NRXN3: variants seen among roughly 807,000 people sequenced by gnomAD.
The protein encoded by NRXN3 is neurexin III.
Under a neutral mutation model 137.6 loss-of-function variants are expected in NRXN3, and 32 were observed. That is an observed-to-expected ratio of 0.23 (90% CI 0.18 to 0.31). The LOEUF is 0.31. Ranked by LOEUF, NRXN3 falls within the 10% of genes least tolerant of loss-of-function variation. NRXN3 has a pLI of 1.00. For synonymous variants in NRXN3, 798 were observed against 784.5 expected, an observed-to-expected ratio of 1.02 and a Z score of -0.29; for missense variants, 1,574 against 2,062.5, an observed-to-expected ratio of 0.76 and a Z score of 4.59.
intron 15 of NRXN3, among the ~76,000 whole-genome samples, chr14:79,076,646 C>T (rs2046023229): frequency 2.0e-5 from 3 of 152,110 alleles, no homozygotes; most frequent in Admixed American, 2.0e-4. Flanking sequence ...CCTGTCACCT[C>T]TACTGTATTC....
At chr14:78,492,448 A>G (rs2095686808) in intron 4 of NRXN3, among the ~76,000 whole-genome samples, 1 of 152,246 alleles carries the variant, frequency 6.6e-6, no homozygotes, top group African/African-American at 2.4e-5. Context: ...AGTACTTAAT[A>G]GTTTATATTA....
chr14:78,409,322 A>G (rs766803674), intron 4 of NRXN3, among the ~76,000 whole-genome samples: 9 of 152,182 alleles, frequency 5.9e-5, no homozygotes, highest in South Asian at 2.1e-4. Context: ...CCTGTTTTAC[A>G]GGTGAGGAAA....
intron 20 of NRXN3, among the ~76,000 whole-genome samples, chr14:79,806,692 T>C (rs1295396471): frequency 6.6e-6 from 1 of 150,778 alleles, no homozygotes; most frequent in Non-Finnish European, 1.5e-5. Context: ...ATACAATATA[T>C]CTCTAGATTT....
In NRXN3 at chr14:78,665,975, C is replaced by A. The variant is rs115817816; in HGVS notation, c.1221+14649C>A. On this transcript the variant is annotated intron_variant, in intron 6 of 20. Coordinates refer to ENST00000335750, the MANE Select transcript of NRXN3 (RefSeq NM_001330195.2). The stretch of plus-strand genomic sequence containing the variant: ...CTTTATCCTCGAAAGTGAGGTGTCC[C>A]TCTATCTTTGTAAGCTCACATGTTA... Among the ~76,000 whole-genome samples, 988 of 152,222 alleles carry A rather than the reference C, an allele frequency of 6.5e-3. 7 individuals are homozygous for A. The highest frequency in any genetic ancestry group is 0.023 in the African/African-American group (955 of 41,516).
intron 15 of NRXN3, among the ~76,000 whole-genome samples, chr14:79,371,390 A>T (rs2094105161): frequency 6.6e-6 from 1 of 152,118 alleles, no homozygotes; most frequent in African/African-American, 2.4e-5. Context: ...CTAGGAATAG[A>T]TACTTGCATA....
At chr14:79,757,640 G>A (rs2099024236) in intron 19 of NRXN3, among the ~76,000 whole-genome samples, 1 of 152,174 alleles carries the variant, frequency 6.6e-6, no homozygotes, top group Non-Finnish European at 1.5e-5. Context: ...GGTACAGCAT[G>A]ATGCAGTGGG....
chr14:78,668,657 C>G lies in NRXN3; in HGVS notation c.1221+17331C>G, dbSNP rs192171659. 1.5e-4 allele frequency among the ~76,000 whole-genome samples: 23 copies of G among 152,202 alleles called. No homozygotes were observed. In the Middle Eastern group the frequency reaches 0.017, roughly 113 times the overall value. ...ATCCAGTCCTGGGTCTCAACAGTGC[C>G]GAAGCTGAGACTCTCTGGACCAGAC... On this transcript the variant is annotated intron_variant, in intron 6 of 20. Coordinates refer to ENST00000335750, the MANE Select transcript of NRXN3 (RefSeq NM_001330195.2).
chr14:79,836,501 T>C (rs1343113621), intron 20 of NRXN3, among the ~76,000 whole-genome samples: 1 of 150,732 alleles, frequency 6.6e-6, no homozygotes, highest in Non-Finnish European at 1.5e-5. Context: ...GACACAAAGC[T>C]ACCTGTGGTG....
chr14:79,014,600 A>G (rs942532734), intron 15 of NRXN3, among the ~76,000 whole-genome samples: 1 of 152,154 alleles, frequency 6.6e-6, no homozygotes, highest in Non-Finnish European at 1.5e-5. Flanking sequence ...AATAATTTAT[A>G]TTTCTTTCAG....
At chr14:78,175,490 C>T (rs767939668) in intron 1 of NRXN3, among the ~76,000 whole-genome samples, 5 of 152,130 alleles carry the variant, frequency 3.3e-5, no homozygotes, top group African/African-American at 7.2e-5. Flanking sequence ...TGTGCTGGCC[C>T]GTGGTCGGCT....
At chr14:78,867,439 C>T (rs2099089889) in intron 10 of NRXN3, among the ~76,000 whole-genome samples, 1 of 152,068 alleles carries the variant, frequency 6.6e-6, no homozygotes, top group African/African-American at 2.4e-5. Flanking sequence ...TCAAATGGAT[C>T]ACAGCAATTG....
chr14:78,340,612 A>G (rs1453286340), intron 4 of NRXN3, among the ~76,000 whole-genome samples: 1 of 152,078 alleles, frequency 6.6e-6, no homozygotes. Context: ...CTCGTCTTCC[A>G]GGGTCTCTTC....
intron 15 of NRXN3, among the ~76,000 whole-genome samples, chr14:79,404,901 G>C (rs1033875061): frequency 2.6e-5 from 4 of 152,140 alleles, no homozygotes; most frequent in Admixed American, 2.0e-4. Context: ...GTGTGTTCGT[G>C]CACACATATG....
chr14:78,403,218 A>G (rs1400822843), intron 4 of NRXN3, among the ~76,000 whole-genome samples: 1 of 152,210 alleles, frequency 6.6e-6, no homozygotes, highest in Non-Finnish European at 1.5e-5. Context: ...ATCAGCCAAT[A>G]GGAAGAAGGG....
intron 20 of NRXN3, among the ~76,000 whole-genome samples, chr14:79,840,877 A>G (rs577680586): frequency 6.6e-6 from 1 of 152,178 alleles, no homozygotes; most frequent in Non-Finnish European, 1.5e-5. Flanking sequence ...GAAAAACACT[A>G]TGTCAACCAT....
chr14:78,426,020 T>A (rs896333149), intron 4 of NRXN3, among the ~76,000 whole-genome samples: 1 of 152,032 alleles, frequency 6.6e-6, no homozygotes, highest in Non-Finnish European at 1.5e-5. Flanking sequence ...GCTGCATAGG[T>A]TGTGGGTAGC....
At chr14:79,399,485 G>A (rs1470315204) in intron 15 of NRXN3, among the ~76,000 whole-genome samples, 6 of 152,132 alleles carry the variant, frequency 3.9e-5, no homozygotes, top group African/African-American at 1.4e-4. Context: ...TCACTGTGGG[G>A]CCAGATATTG....
chr14:79,124,849 T>C (rs528849205), intron 15 of NRXN3, among the ~76,000 whole-genome samples: 1 of 152,184 alleles, frequency 6.6e-6, no homozygotes, highest in East Asian at 1.9e-4. Flanking sequence ...AATGATTCTC[T>C]AAATTTTTTG....
intron 16 of NRXN3, among the ~76,000 whole-genome samples, chr14:79,493,513 A>T (rs1567280897): frequency 6.6e-6 from 1 of 152,242 alleles, no homozygotes; most frequent in Non-Finnish European, 1.5e-5. Context: ...CTTCCAGCAT[A>T]GCTGGGTAGT....
Sources: gnomAD v4.1 joint callset for allele counts (sites outside exome capture counted in the v4.1 genomes callset) on GRCh38, gnomAD v4.1.1 for gene constraint, MANE v1.5 for transcripts, NCBI Gene and HGNC (gene_info 2026-07-23, HGNC 2026-07-21) for gene names.